CTR9: variants seen among roughly 807,000 people sequenced by gnomAD.
CTR9 encodes the protein CTR9 component of Paf1/RNA polymerase II complex.
In CTR9, 41 loss-of-function variants were observed where a neutral mutation model predicts 152.1. That is an observed-to-expected ratio of 0.27 (90% CI 0.21 to 0.35). CTR9 has a LOEUF of 0.35. CTR9 is among the 10% of genes least tolerant of loss of function. The probability of loss-of-function intolerance (pLI) is 1.00; values close to 1 mark genes in which losing one functional copy is unlikely to be tolerated. For missense variants in CTR9, 917 were observed against 1,424.4 expected (o/e 0.64, Z 5.73); for synonymous variants, 476 against 496.2 (o/e 0.96, Z 0.54).
rs1238530973 is a variant in CTR9, at chr11:10,754,972, G to A, written c.159G>A (p.Lys53=). Residue 53 remains lysine (K), a synonymous_variant, in exon 3 of 25, where the codon AAG becomes AAA. Transcript: ENST00000361367. ...IWIALALEYY[K]QGKTEEFVKL... ...TTACCTTATAGCTGGAATACTACAAGCAAGGAAAAACAGAAGAGTTTGTAA... is the reference window on the plus strand; with the variant it reads ...TTACCTTATAGCTGGAATACTACAAACAAGGAAAAACAGAAGAGTTTGTAA... 4.3e-6 allele frequency: 7 copies of A among 1,613,414 alleles called. No homozygotes were observed. The highest frequency in any genetic ancestry group is 3.3e-5 in the Admixed American group (2 of 59,928).
chr11:10,779,687 G>A lies in CTR9; in HGVS notation c.*582G>A, dbSNP rs1175708666. The stretch of plus-strand genomic sequence containing the variant: ...AATAAGGTGTGGAAAATGCTTTTCT[G>A]TTAGTAGAATGCAAAAACCTACCTA... On this transcript the variant is annotated 3_prime_UTR_variant, in exon 25 of 25. Coordinates refer to ENST00000361367, the MANE Select transcript of CTR9 (RefSeq NM_014633.5). 1 of 152,214 alleles carries A rather than the reference G, an allele frequency of 6.6e-6. No individual in the cohort carries two copies. Among genetic ancestry groups the A allele is most frequent in the Non-Finnish European group, 1.5e-5 (1 of 68,082 alleles). The allele number at this position is 152,214 out of a possible 1,614,324, so 9.4% of individuals were successfully genotyped here.
Position 10,767,757 on chromosome 11 carries a change from C to A in CTR9, c.1687-49C>A. 1.3e-6 allele frequency: 2 copies of A among 1,520,022 alleles called. No individual in the cohort carries two copies. Among genetic ancestry groups the A allele is most frequent in the Non-Finnish European group, 1.8e-6 (2 of 1,097,584 alleles). The allele number at this position is 1,520,022 out of a possible 1,614,324, so 94.2% of individuals were successfully genotyped here. Reference sequence around the variant, plus strand: ...GCTATTGTGGGAAGATGATTGATCTCTGTCAAACTAAACTGCAGATTTTCC... The same window carrying A: ...GCTATTGTGGGAAGATGATTGATCTATGTCAAACTAAACTGCAGATTTTCC... On this transcript the variant is annotated intron_variant, in intron 13 of 24. Transcript: ENST00000361367. The surrounding 1 kb of genome is among the most constrained non-coding windows in gnomAD (Gnocchi z 4.0).
chr11:10,755,038 T>C lies in CTR9; in HGVS notation c.225T>C (p.Tyr75=), dbSNP rs772745794. The C allele has an allele frequency of 3.7e-6, 6 of 1,613,954 alleles. No individual in the cohort carries two copies. The highest frequency in any genetic ancestry group is 2.7e-5 in the African/African-American group (2 of 74,922). The change falls in exon 3 of 25, where the codon TAT becomes TAC. Residue 75 remains tyrosine, a synonymous_variant. Transcript: ENST00000361367. Reference sequence around the variant, plus strand: ...CACGTATAGATGGCAATTTGGACTATAGAGACCATGAAAAAGACCAGATGA... The same window carrying C: ...CACGTATAGATGGCAATTTGGACTACAGAGACCATGAAAAAGACCAGATGA... ...EAARIDGNLD[Y]RDHEKDQMTC...
chr11:10,775,607 G>A lies in CTR9; in HGVS notation c.3069G>A (p.Glu1023=). Residue 1023 remains glutamate (E), a synonymous_variant, in exon 24 of 25, where the codon GAG becomes GAA. Transcript: ENST00000361367. Reference sequence around the variant, plus strand: ...CATCAAGTGATGACTCTTCGGATGAGGATAAACTTAAAATTGCTGATGAAG... The same window carrying A: ...CATCAAGTGATGACTCTTCGGATGAAGATAAACTTAAAATTGCTGATGAAG... ...IISSSDDSSD[E]DKLKIADEGH... 1 of 1,611,436 alleles carries A rather than the reference G, an allele frequency of 6.2e-7. No homozygotes were observed. The highest frequency in any genetic ancestry group is 1.1e-5 in the South Asian group (1 of 90,590).
chr11:10,768,327 C>CT lies in CTR9; in HGVS notation c.1961-11dup. The CT allele has an allele frequency of 6.2e-7, 1 of 1,602,072 alleles. No homozygotes were observed. The highest frequency in any genetic ancestry group is 8.5e-7 in the Non-Finnish European group (1 of 1,176,390). Reference sequence around the variant, plus strand: ...AATTAGAAAATTGTTAAGTGTGAACCTTTTTATATCTTTAGGAGCTGTTTT... The same window carrying CT: ...AATTAGAAAATTGTTAAGTGTGAACCTTTTTTATATCTTTAGGAGCTGTTTT... On this transcript the variant is annotated splice_polypyrimidine_tract_variant and intron_variant, in intron 15 of 24. Transcript: ENST00000361367.
intron 12 of CTR9, among the ~76,000 whole-genome samples, chr11:10,765,048 T>C (rs2135370586): frequency 6.6e-6 from 1 of 152,376 alleles, no homozygotes; most frequent in Non-Finnish European, 1.5e-5. Flanking sequence ...CATCCTTCTT[T>C]GATTTCATAT....
intron 1 of CTR9, 29 bp from the exon 2 acceptor site, chr11:10,752,643 A>C (rs758289280): frequency 1.4e-6 from 2 of 1,480,404 alleles, no homozygotes; most frequent in Non-Finnish European, 1.9e-6. Context: ...AAGTGGAATA[A>C]GAGTTAAGAC....
chr11:10,773,300 G>A, intron 21 of CTR9, 27 bp downstream of exon 21: 1 of 1,603,498 alleles, frequency 6.2e-7, no homozygotes, highest in South Asian at 1.1e-5. Context: ...GCTAGCACAA[G>A]TGACCTCATT....
rs1299157927 is a variant in CTR9 at position 10,779,326 on chromosome 11, T to G, written c.*221T>G. On this transcript the variant is annotated 3_prime_UTR_variant, in exon 25 of 25. Coordinates refer to ENST00000361367, the MANE Select transcript of CTR9 (RefSeq NM_014633.5). ...ATGAGACTATTCTTTGTGGTACAATTCCACCTATCATATGTGAAAACTGCA... is the reference window on the plus strand; with the variant it reads ...ATGAGACTATTCTTTGTGGTACAATGCCACCTATCATATGTGAAAACTGCA... 2.0e-6 allele frequency: 1 copy of G among 498,660 alleles called. No individual in the cohort carries two copies. Among genetic ancestry groups the G allele is most frequent in the Non-Finnish European group, 3.5e-6 (1 of 282,618 alleles). The allele number at this position is 498,660 out of a possible 1,614,324, so 30.9% of individuals were successfully genotyped here. A position where few individuals can be genotyped will look rare whatever the true frequency, so the allele number is the denominator to read the frequency against.
intron 19 of CTR9, 140 bp from the exon 20 acceptor site, chr11:10,772,377 AAAC>A: frequency 1.4e-6 from 1 of 711,574 alleles, no homozygotes; most frequent in Non-Finnish European, 2.0e-6. Context: ...GGAAGAAAAA[AAAC>A]ATTTTTTTAA....
At position 10,773,706 on chromosome 11, in the gene CTR9, G is replaced by A. The variant is rs550310611; in HGVS notation, c.2728-306G>A. Among the ~76,000 whole-genome samples, 5 of 151,992 alleles carry A rather than the reference G, an allele frequency of 3.3e-5. No individual in the cohort carries two copies. The South Asian group carries it at 1.0e-3, about 32-fold the overall frequency. On this transcript the variant is annotated intron_variant, in intron 21 of 24. Transcript: ENST00000361367. ...AGTCTGAGACCAGTTTGGCCAACAT[G>A]GTCCATGTCTCTACTAAAAAGTACA...
intron 2 of CTR9, among the ~76,000 whole-genome samples, chr11:10,754,596 C>T (rs1564964472): frequency 6.6e-6 from 1 of 152,196 alleles, no homozygotes; most frequent in Admixed American, 6.5e-5. Flanking sequence ...CCCCTAATCC[C>T]TGTGCCAGAC....
At chr11:10,758,721 T>C (rs1167617475) in intron 5 of CTR9, among the ~76,000 whole-genome samples, 1 of 152,184 alleles carries the variant, frequency 6.6e-6, no homozygotes, top group Non-Finnish European at 1.5e-5. Flanking sequence ...CCTTTTTTTT[T>C]CTGTAAACAA....
Position 10,774,207 on chromosome 11 carries a change from A to C in CTR9, c.2885+38A>C, listed in dbSNP as rs371977461. The C allele has an allele frequency of 2.5e-4, 390 of 1,563,650 alleles. 1 individual carries two copies. Among genetic ancestry groups the C allele is most frequent in the Non-Finnish European group, 3.2e-4 (371 of 1,159,344 alleles). ...TTAATGTGCTTTAAGTAACCTCATA[A>C]AAGTGGTGAAAGACCTTTTACCTTC... is the stretch of plus-strand genomic sequence containing the variant. On this transcript the variant is annotated intron_variant, in intron 22 of 24. Coordinates refer to ENST00000361367, the MANE Select transcript of CTR9 (RefSeq NM_014633.5).
At position 10,764,730 on chromosome 11, in the gene CTR9, CTG is replaced by C. The variant is rs1564968454; in HGVS notation, c.1597+1_1597+2del. The C allele has an allele frequency of 1.3e-6, 2 of 1,584,930 alleles. No homozygotes were observed. The highest frequency in any genetic ancestry group is 1.7e-6 in the Non-Finnish European group (2 of 1,157,782). The stretch of plus-strand genomic sequence containing the variant: ...TACGCGAACATCCTAATTATGTTGA[CTG>C]TAAGGATTTTAAACTTCTTTATGTA... On this transcript the variant is annotated splice_donor_variant and coding_sequence_variant, in exon 12 of 25. Coordinates refer to ENST00000361367, the MANE Select transcript of CTR9 (RefSeq NM_014633.5). LOFTEE classifies it high-confidence loss of function.
At chr11:10,778,061 G>T (rs1037045316) in intron 24 of CTR9, among the ~76,000 whole-genome samples, 4 of 152,164 alleles carry the variant, frequency 2.6e-5, no homozygotes, top group Non-Finnish European at 4.4e-5. Context: ...GGAGAGCTTG[G>T]GAGCAAAGGG....
At chr11:10,770,423 C>T in intron 17 of CTR9, 64 bp from the exon 18 acceptor site, 3 of 1,584,684 alleles carry the variant, frequency 1.9e-6, no homozygotes, top group East Asian at 2.2e-5. Context: ...CTTAATAATA[C>T]TCTGCTGTCT....
Position 10,767,191 on chromosome 11 carries a change from A to G in CTR9, c.1687-615A>G, listed in dbSNP as rs1863074156. 1 of 152,804 alleles carries G rather than the reference A, an allele frequency of 6.5e-6. No individual in the cohort carries two copies. The highest frequency in any genetic ancestry group is 2.4e-5 in the African/African-American group (1 of 41,460). The allele number at this position is 152,804 out of a possible 1,614,324, so 9.5% of individuals were successfully genotyped here. ...CAAACAATTTTTTAATGATTTAACA[A>G]TTTTTGTAAATCATTTTCAGGCTTC... On this transcript the variant is annotated intron_variant, in intron 13 of 24. Transcript: ENST00000361367. This position sits in a 1 kb window ranked among gnomAD's most constrained non-coding sequence, Gnocchi z 4.0.
At chr11:10,761,830 C>T (rs1590020452) in intron 6 of CTR9, 117 bp from the exon 7 acceptor site, 5 of 534,324 alleles carry the variant, frequency 9.4e-6, no homozygotes, top group Non-Finnish European at 1.3e-5. Flanking sequence ...GCTTCTAATC[C>T]GTTTTAGTGT....
Sources: gnomAD v4.1 joint callset for allele counts (sites outside exome capture counted in the v4.1 genomes callset) on GRCh38, gnomAD v4.1.1 for gene constraint, Gnocchi (gnomAD v3.1) non-coding constraint, MANE v1.5 for transcripts, NCBI Gene and HGNC (gene_info 2026-07-23, HGNC 2026-07-21) for gene names.